Variants in PPP1R37 observed in about 807,000 individuals in gnomAD.
PPP1R37 encodes the protein protein phosphatase 1 regulatory subunit 37.
Under a neutral mutation model 61.0 loss-of-function variants are expected in PPP1R37, and 21 were observed. That is an observed-to-expected ratio of 0.34 (90% confidence interval 0.24 to 0.50). The LOEUF (loss-of-function observed/expected upper bound fraction) is 0.50, where lower values mean the gene tolerates loss of function less well. Ranked by LOEUF, PPP1R37 falls within the 20% of genes least tolerant of loss-of-function variation. PPP1R37 has a pLI of 0.98. For missense variants in PPP1R37, 910 were observed against 952.7 expected (o/e 0.96, Z 0.59); for synonymous variants, 443 against 433.5 (o/e 1.02, Z -0.27).
chr19:45,115,276 C>T (rs748170732), intron 1 of PPP1R37, among the ~76,000 whole-genome samples: 17 of 152,152 alleles, frequency 1.1e-4, no homozygotes, highest in Non-Finnish European at 1.9e-4. Flanking sequence ...GGGTAGGTAC[C>T]TGGCTTGGGT....
chr19:45,140,141 A>T, intron 2 of PPP1R37, 95 bp from the exon 3 acceptor site: 1 of 1,136,220 alleles, frequency 8.8e-7, no homozygotes, highest in Non-Finnish European at 1.3e-6. Context: ...CCCACCCCAG[A>T]ACCCTGCCTG....
chr19:45,140,175 G>C lies in PPP1R37; in HGVS notation c.301-61G>C, dbSNP rs569847002. 1.2e-4 allele frequency: 164 copies of C among 1,424,296 alleles called. No homozygotes were observed. The South Asian group carries it at 1.8e-3, about 16-fold the overall frequency. 88.2% of individuals were successfully genotyped at this position (1,424,296 alleles called of 1,614,324 possible). On this transcript the variant is annotated intron_variant, in intron 2 of 12. Transcript: ENST00000221462. ...TGACCTCAGGCATAGCAGCCATTTGGGGCCTCGGCTGCCCCCCTGTTCAAG... is the reference window on the plus strand; with the variant it reads ...TGACCTCAGGCATAGCAGCCATTTGCGGCCTCGGCTGCCCCCCTGTTCAAG...
intron 7 of PPP1R37, 166 bp downstream of exon 7, chr19:45,142,624 G>C (rs1307701809): frequency 2.8e-6 from 2 of 716,754 alleles, no homozygotes; most frequent in South Asian, 1.9e-5. Flanking sequence ...TGACAACCTA[G>C]AGTGGGCAGG....
At chr19:45,128,944 A>C (rs1450479412) in intron 1 of PPP1R37, 2 of 748,062 alleles carry the variant, frequency 2.7e-6, no homozygotes, top group Non-Finnish European at 4.7e-6. Context: ...GATGAGCAAA[A>C]GTACCGCTGT....
intron 1 of PPP1R37, among the ~76,000 whole-genome samples, chr19:45,100,679 G>GTC (rs1313741521): frequency 2.0e-5 from 3 of 152,212 alleles, no homozygotes; most frequent in Non-Finnish European, 4.4e-5. Flanking sequence ...GTGCCATACG[G>GTC]TCTCTTCATC....
At chr19:45,113,326 A>G (rs1968224742) in intron 1 of PPP1R37, among the ~76,000 whole-genome samples, 1 of 152,238 alleles carries the variant, frequency 6.6e-6, no homozygotes, top group Non-Finnish European at 1.5e-5. Flanking sequence ...CAGGAATCAT[A>G]ATAGCTAGCG....
At chr19:45,141,514 G>A in intron 5 of PPP1R37, 73 bp downstream of exon 5, 1 of 1,479,668 alleles carries the variant, frequency 6.8e-7, no homozygotes, top group African/African-American at 1.4e-5. Flanking sequence ...TCAGGGCATG[G>A]CCCGTAGGCT....
At chr19:45,110,846 C>T (rs575977978) in intron 1 of PPP1R37, among the ~76,000 whole-genome samples, 12 of 152,140 alleles carry the variant, frequency 7.9e-5, no homozygotes, top group Non-Finnish European at 1.2e-4. Flanking sequence ...CAATCTAAAG[C>T]ACTCCCAAAG....
At chr19:45,105,978 G>T (rs952417870) in intron 1 of PPP1R37, among the ~76,000 whole-genome samples, 5 of 152,256 alleles carry the variant, frequency 3.3e-5, no homozygotes, top group Non-Finnish European at 7.3e-5. Context: ...ACAGTGGCCT[G>T]ATCCTGTCTG....
intron 1 of PPP1R37, among the ~76,000 whole-genome samples, chr19:45,103,045 A>G (rs1968083703): frequency 6.6e-6 from 1 of 152,228 alleles, no homozygotes; most frequent in South Asian, 2.1e-4. Flanking sequence ...TGTTTCGTAC[A>G]TTAAGTAGGA....
Position 45,134,988 on chromosome 19 carries a change from G to A in PPP1R37, c.203-3526G>A, listed in dbSNP as rs931841351. ...ATCTTGGCTGGGCACGGTGGCTCAC[G>A]CCTGTAATCCCAGCACTTTGGGAGG... On this transcript the variant is annotated intron_variant, in intron 1 of 12. Transcript: ENST00000221462. Among the ~76,000 whole-genome samples, 5 of 152,306 alleles carry A rather than the reference G, an allele frequency of 3.3e-5. No homozygotes were observed. The South Asian group carries it at 8.3e-4, about 25-fold the overall frequency.
At chr19:45,137,878 C>T (rs1251465937) in intron 1 of PPP1R37, among the ~76,000 whole-genome samples, 1 of 151,244 alleles carries the variant, frequency 6.6e-6, no homozygotes, top group Non-Finnish European at 1.5e-5. Flanking sequence ...GTGGCTCATA[C>T]CTGTAATCCC....
chr19:45,146,210 T>C (rs2122761905), intron 11 of PPP1R37, 161 bp downstream of exon 11: 2 of 952,546 alleles, frequency 2.1e-6, no homozygotes, highest in South Asian at 3.5e-5. Context: ...CTGCTTCCCT[T>C]GGGTCCTGGG....
At chr19:45,117,125 C>A (rs1968278783) in intron 1 of PPP1R37, among the ~76,000 whole-genome samples, 1 of 152,046 alleles carries the variant, frequency 6.6e-6, no homozygotes, top group South Asian at 2.1e-4. Context: ...ATTGGTCAGG[C>A]TGGTCTCGAA....
chr19:45,107,493 ACC>A (rs1300987081), intron 1 of PPP1R37, among the ~76,000 whole-genome samples: 8 of 152,122 alleles, frequency 5.3e-5, no homozygotes, highest in Admixed American at 2.6e-4. Context: ...AGTCCCAGCT[ACC>A]TGGGAGGCTA....
intron 7 of PPP1R37, chr19:45,142,665 C>T (rs1376792889): frequency 4.2e-5 from 24 of 567,224 alleles, no homozygotes; most frequent in Non-Finnish European, 4.0e-5. Context: ...AGGCGGGGTC[C>T]GATCAGTCTG....
At chr19:45,117,704 G>T (rs1041822255) in intron 1 of PPP1R37, among the ~76,000 whole-genome samples, 8 of 152,194 alleles carry the variant, frequency 5.3e-5, no homozygotes, top group Non-Finnish European at 1.0e-4. Context: ...GATTGTCCCA[G>T]CCATCCCACC....
At chr19:45,134,166 CT>C (rs560831835) in intron 1 of PPP1R37, among the ~76,000 whole-genome samples, 10 of 150,410 alleles carry the variant, frequency 6.6e-5, no homozygotes, top group Non-Finnish European at 8.9e-5. Context: ...TTTCTCCTCT[CT>C]TTTTTTTTTC....
In PPP1R37 at chr19:45,142,188, C is replaced by T. The variant is rs1382240263; in HGVS notation, c.695C>T (p.Ser232Leu). The part of the protein sequence containing the change: ...AVLHLENASL[S>L]GRPLMLLATA... Reference sequence around the variant, plus strand: ...CTGCACTTGGAGAACGCCAGCCTGTCGGGGCGGCCCCTCATGCTGCTCGGT... The same window carrying T: ...CTGCACTTGGAGAACGCCAGCCTGTTGGGGCGGCCCCTCATGCTGCTCGGT... The change falls in exon 6 of 13, where the codon TCG (serine) becomes TTG (leucine). Residue 232 changes from serine to leucine, a missense_variant. Physicochemically the swap from Ser to Leu is moderately radical, Grantham distance 145. This residue lies in a region of PPP1R37 where 280 missense variants were observed against 382.2 expected (regional missense o/e 0.73). Transcript: ENST00000221462. 2.0e-6 allele frequency: 3 copies of T among 1,534,914 alleles called. No homozygotes were observed. Among genetic ancestry groups the T allele is most frequent in the Non-Finnish European group, 2.6e-6 (3 of 1,146,274 alleles).
Sources: allele counts gnomAD v4.1 joint callset (sites outside exome capture counted in the v4.1 genomes callset), GRCh38; gene constraint gnomAD v4.1.1; regional missense constraint gnomAD v4.1.1; transcripts MANE v1.5; gene names NCBI Gene and HGNC (gene_info 2026-07-23, HGNC 2026-07-21).